Variants in SNRNP200 observed in about 807,000 individuals in gnomAD.
SNRNP200 encodes the protein small nuclear ribonucleoprotein U5 subunit 200.
In SNRNP200, 66 loss-of-function variants were observed where a neutral mutation model predicts 255.2. The observed-to-expected ratio is 0.26, with a 90% CI of 0.21 to 0.32. The LOEUF (loss-of-function observed/expected upper bound fraction) is 0.32, where lower values mean the gene tolerates loss of function less well. SNRNP200 is among the 10% of genes least tolerant of loss of function. The pLI, the probability that SNRNP200 is intolerant of heterozygous loss-of-function variation, is 1.00. For synonymous variants in SNRNP200, 939 were observed against 1,027.8 expected (o/e 0.91, Z 1.65); for missense variants, 1,585 against 2,749.8 (o/e 0.58, Z 9.47).
At chr2:96,304,587 CTG>C in intron 2 of SNRNP200, 116 bp downstream of exon 2, 2 of 1,392,702 alleles carry the variant, frequency 1.4e-6, no homozygotes, top group Non-Finnish European at 2.0e-6. Context: ...TTTACCTTCA[CTG>C]AATTGTTTTA....
intron 24 of SNRNP200, among the ~76,000 whole-genome samples, 157 bp downstream of exon 24, chr2:96,288,506 T>C (rs1466613192): frequency 6.6e-6 from 1 of 152,188 alleles, no homozygotes; most frequent in Admixed American, 6.5e-5. Flanking sequence ...AGAGTGGCTG[T>C]ACCACACATG....
chr2:96,294,042 T>G (rs1231677263), intron 14 of SNRNP200, among the ~76,000 whole-genome samples: 1 of 150,534 alleles, frequency 6.6e-6, no homozygotes, highest in African/African-American at 2.5e-5. Context: ...CTGCTGCTGC[T>G]ATGACCCCAA....
chr2:96,290,052 C>T lies in SNRNP200; in HGVS notation c.2743-56G>A. The stretch of plus-strand genomic sequence containing the variant: ...GGAGAAACTCTTGATGTCCAAATGA[C>T]AGGCTCCCATGAATTGCTTAGAAAT... On this transcript the variant is annotated intron_variant, in intron 20 of 44. Transcript: ENST00000323853. This position sits in a 1 kb window ranked among gnomAD's most constrained non-coding sequence, Gnocchi z 4.5. 1.3e-6 allele frequency: 2 copies of T among 1,525,808 alleles called. No homozygotes were observed. Among genetic ancestry groups the T allele is most frequent in the South Asian group, 1.1e-5 (1 of 89,106 alleles). The allele number at this position is 1,525,808 out of a possible 1,614,324, so 94.5% of individuals were successfully genotyped here. A position where few individuals can be genotyped will look rare whatever the true frequency, so the allele number is the denominator to read the frequency against.
chr2:96,280,401 G>C (rs2104335023), intron 35 of SNRNP200, among the ~76,000 whole-genome samples: 1 of 152,150 alleles, frequency 6.6e-6, no homozygotes, highest in Non-Finnish European at 1.5e-5. Context: ...GGGAGACTGA[G>C]GCAGGATGAT....
rs1573988216 is a variant in SNRNP200 at position 96,278,060 on chromosome 2, G to A, written c.5611-110C>T. 1.3e-6 allele frequency: 2 copies of A among 1,544,850 alleles called. No homozygotes were observed. The highest frequency in any genetic ancestry group is 2.2e-5 in the East Asian group (1 of 44,522). Reference sequence around the variant, plus strand: ...CTCACACAGCCCTTCAACACCCTGAGGCATGTGGGTGGTAATGGGATGGAG... The same window carrying A: ...CTCACACAGCCCTTCAACACCCTGAAGCATGTGGGTGGTAATGGGATGGAG... On this transcript the variant is annotated intron_variant, in intron 39 of 44. Transcript: ENST00000323853. The surrounding 1 kb of genome is among the most constrained non-coding windows in gnomAD (Gnocchi z 6.9).
intron 29 of SNRNP200, among the ~76,000 whole-genome samples, chr2:96,285,891 G>C (rs1374199865): frequency 6.6e-6 from 1 of 152,212 alleles, no homozygotes; most frequent in Non-Finnish European, 1.5e-5. Context: ...TTTTAGGCTT[G>C]ATGGGAGGAA....
intron 4 of SNRNP200, 140 bp from the exon 5 acceptor site, chr2:96,301,193 A>G: frequency 1.3e-6 from 1 of 783,064 alleles, no homozygotes; most frequent in Non-Finnish European, 2.2e-6. Flanking sequence ...TAGATGATCA[A>G]CATGAGAGAG....
Position 96,274,970 on chromosome 2 carries a change from C to A in SNRNP200, c.*42G>T. 6.2e-7 allele frequency: 1 copy of A among 1,610,278 alleles called. No homozygotes were observed. Among genetic ancestry groups the A allele is most frequent in the Non-Finnish European group, 8.5e-7 (1 of 1,178,058 alleles). ...TCCTACAATGTACACATTCCTAATT[C>A]AGGCTCAACTCTCCTTTACCCAAAA... On this transcript the variant is annotated 3_prime_UTR_variant, in exon 45 of 45. Coordinates refer to ENST00000323853, the MANE Select transcript of SNRNP200 (RefSeq NM_014014.5).
At chr2:96,302,672 C>T (rs1482676074) in intron 3 of SNRNP200, among the ~76,000 whole-genome samples, 1 of 152,232 alleles carries the variant, frequency 6.6e-6, no homozygotes, top group African/African-American at 2.4e-5. Context: ...GTCACAAGCA[C>T]AGGTTGTTTG....
chr2:96,287,917 C>T lies in SNRNP200; in HGVS notation c.3311G>A (p.Trp1104Ter). Residue 1104 changes from tryptophan to a stop codon, truncating the protein, a stop_gained, in exon 25 of 45, where the codon TGG becomes TAG. Coordinates refer to ENST00000323853, the MANE Select transcript of SNRNP200 (RefSeq NM_014014.5). LOFTEE classifies it high-confidence loss of function. The surrounding 1 kb of genome is among the most constrained non-coding windows in gnomAD (Gnocchi z 5.7). ...CAGGGTCTTGTCTGTAAGCTGTGCC[C>T]AACCTCGGTTCAGGACAATTTCAAA... ...AIFEIVLNRG[W>*]AQLTDKTLNL... 1 of 1,614,226 alleles carries T rather than the reference C, an allele frequency of 6.2e-7. No homozygotes were observed. The highest frequency in any genetic ancestry group is 8.5e-7 in the Non-Finnish European group (1 of 1,180,038).
chr2:96,291,706 C>T lies in SNRNP200; in HGVS notation c.2310+45G>A, dbSNP rs757123510. ...AGCTGTCTGGGGCCTGAGATGGACA[C>T]AGCTGCCAGGTAGGAATGAGAGAAC... On this transcript the variant is annotated intron_variant, in intron 17 of 44. Transcript: ENST00000323853. This position sits in a 1 kb window ranked among gnomAD's most constrained non-coding sequence, Gnocchi z 4.2. 7.4e-6 allele frequency: 12 copies of T among 1,611,026 alleles called. No individual in the cohort carries two copies. In the East Asian group the frequency reaches 1.8e-4, roughly 24 times the overall value.
In SNRNP200 at chr2:96,289,936, G is replaced by T. The variant is rs1398107990; in HGVS notation, c.2803C>A (p.Leu935Ile). The T allele has an allele frequency of 6.2e-7, 1 of 1,614,044 alleles. No homozygotes were observed. Among genetic ancestry groups the T allele is most frequent in the South Asian group, 1.1e-5 (1 of 91,086 alleles). The change falls in exon 21 of 45, where the codon CTC (leucine) becomes ATC (isoleucine). Residue 935 changes from leucine (L) to isoleucine (I), a missense_variant. Physicochemically the swap from Leu to Ile is conservative, Grantham distance 5 (BLOSUM62 2). Around this residue, in one of 9 missense-constraint regions of SNRNP200, gnomAD observed 719 missense variants for 1,091.1 expected, o/e 0.66. Coordinates refer to ENST00000323853, the MANE Select transcript of SNRNP200 (RefSeq NM_014014.5). ...LYIRMLRSPT[L>I]YGISHDDLKG... ...AGGTCATCATGAGAGATGCCATAGAGGGTTGGGGATCGCAGCATTCGGATA... is the reference window on the plus strand; with the variant it reads ...AGGTCATCATGAGAGATGCCATAGATGGTTGGGGATCGCAGCATTCGGATA...
At chr2:96,305,253 AC>A (rs1157962773) in intron 1 of SNRNP200, 139 bp downstream of exon 1, 7 of 1,134,698 alleles carry the variant, frequency 6.2e-6, no homozygotes, top group African/African-American at 1.5e-5. Flanking sequence ...TCATCGTATA[AC>A]CCCCACCTTC....
chr2:96,295,748 G>C, intron 13 of SNRNP200, 90 bp from the exon 14 acceptor site: 7 of 1,373,118 alleles, frequency 5.1e-6, no homozygotes, highest in Non-Finnish European at 7.1e-6. Flanking sequence ...TAGGGCATTG[G>C]GAGCAGGTAT....
intron 14 of SNRNP200, 63 bp downstream of exon 14, chr2:96,295,425 A>G (rs2063910667): frequency 6.3e-7 from 1 of 1,598,050 alleles, no homozygotes; most frequent in South Asian, 1.1e-5. Flanking sequence ...ATTTCGCATG[A>G]AAACCCAGCA....
chr2:96,302,127 T>C (rs1405974930), intron 3 of SNRNP200, among the ~76,000 whole-genome samples: 1 of 152,240 alleles, frequency 6.6e-6, no homozygotes, highest in Admixed American at 6.5e-5. Flanking sequence ...ATAAACTATC[T>C]GGATCATATC....
rs1302502727 is a variant in SNRNP200 at position 96,278,456 on chromosome 2, GACAAACACGGGCGC to G, written c.5488+77_5488+90del. 3.1e-6 allele frequency: 5 copies of G among 1,610,846 alleles called. No individual in the cohort carries two copies. In the East Asian group the frequency reaches 1.1e-4, roughly 36 times the overall value. Reference sequence around the variant, plus strand: ...CTGTCCCCTGCAGTGTCATCCCGCTGACAAACACGGGCGCACCTCTCATCCCAGTGGGCTCCTGA... The same window carrying G: ...CTGTCCCCTGCAGTGTCATCCCGCTGACCTCTCATCCCAGTGGGCTCCTGA... On this transcript the variant is annotated intron_variant, in intron 38 of 44. Transcript: ENST00000323853. The surrounding 1 kb of genome is among the most constrained non-coding windows in gnomAD (Gnocchi z 6.9).
chr2:96,275,240 C>A lies in SNRNP200; in HGVS notation c.6267+17G>T. 1 of 1,614,012 alleles carries A rather than the reference C, an allele frequency of 6.2e-7. No homozygotes were observed. ...CCCCATGCCAGAACAAATGCTAGGG[C>A]CAGTGGACACACTCACCTTGGCCTT... On this transcript the variant is annotated intron_variant, in intron 44 of 44. Coordinates refer to ENST00000323853, the MANE Select transcript of SNRNP200 (RefSeq NM_014014.5).
chr2:96,296,911 C>G (rs1391598406), intron 12 of SNRNP200, 22 bp downstream of exon 12: 3 of 1,614,034 alleles, frequency 1.9e-6, no homozygotes, highest in East Asian at 2.2e-5. Flanking sequence ...TACAAGAAAA[C>G]AGCAGGCAGG....
Sources: gnomAD v4.1 joint callset for allele counts (sites outside exome capture counted in the v4.1 genomes callset) on GRCh38, gnomAD v4.1.1 for gene constraint, gnomAD v4.1.1 regional missense constraint, Gnocchi (gnomAD v3.1) non-coding constraint, MANE v1.5 for transcripts, NCBI Gene and HGNC (gene_info 2026-07-23, HGNC 2026-07-21) for gene names.